Variants in CCDC12 observed in about 807,000 individuals in gnomAD.
The protein encoded by CCDC12 is coiled-coil domain-containing protein 12.
In CCDC12, 28 loss-of-function variants were observed where a neutral mutation model predicts 25.7. The ratio of observed to expected loss-of-function variants is 1.09; its 90% CI spans 0.81 to 1.50. The LOEUF is 1.50. CCDC12 is among the 40% of genes most tolerant of loss of function. The pLI is 0.00. For synonymous variants in CCDC12, 75 were observed against 87.7 expected (o/e 0.86, Z 0.81); for missense variants, 198 against 210.0 (o/e 0.94, Z 0.35).
chr3:46,942,254 C>T (rs1182313373), intron 1 of CCDC12, among the ~76,000 whole-genome samples: 1 of 152,256 alleles, frequency 6.6e-6, no homozygotes, highest in Non-Finnish European at 1.5e-5. Context: ...CGTGTGACCA[C>T]ACCTGGGGCC....
intron 2 of CCDC12, among the ~76,000 whole-genome samples, chr3:46,933,893 A>G (rs1011525241): frequency 1.3e-5 from 2 of 151,668 alleles, no homozygotes; most frequent in African/African-American, 4.8e-5. Context: ...CTACAATAAA[A>G]AAATCTATAA....
chr3:46,932,431 A>G (rs1367588639), intron 2 of CCDC12, among the ~76,000 whole-genome samples: 2 of 152,230 alleles, frequency 1.3e-5, no homozygotes, highest in African/African-American at 2.4e-5. Flanking sequence ...ACTTTTAAAG[A>G]GCCCAGTGGC....
At chr3:46,976,892 T>A, upstream of CCDC12, 1 of 1,257,452 alleles carries the variant, frequency 8.0e-7, no homozygotes, top group Non-Finnish European at 1.1e-6. Context: ...CTCCCCGCCT[T>A]GCCCCGCCCC....
intron 2 of CCDC12, among the ~76,000 whole-genome samples, chr3:46,929,982 G>C (rs2033139560): frequency 7.8e-6 from 1 of 128,592 alleles, no homozygotes; most frequent in Admixed American, 9.4e-5. Context: ...AGTGAGCCGA[G>C]ATGGTGCCAC....
rs540631791 is a variant in CCDC12 at position 46,968,425 on chromosome 3, A to G, written c.96+8212T>C. ...CCACCTGGATGTCCCCACTTACAAG[A>G]GGGTAAAGAAGAAAGGACAGGCATC... is the stretch of plus-strand genomic sequence containing the variant. On this transcript the variant is annotated intron_variant, in intron 1 of 6. Transcript: ENST00000683445. 3.4e-4 allele frequency among the ~76,000 whole-genome samples: 52 copies of G among 152,262 alleles called. No homozygotes were observed. The South Asian group carries it at 0.01, about 30-fold the overall frequency.
intron 1 of CCDC12, among the ~76,000 whole-genome samples, chr3:46,946,292 A>G (rs2033903647): frequency 6.6e-6 from 1 of 152,264 alleles, no homozygotes; most frequent in African/African-American, 2.4e-5. Flanking sequence ...AAAGGATCAG[A>G]CTTAGAAAAT....
intron 1 of CCDC12, among the ~76,000 whole-genome samples, chr3:46,961,886 TCAAATAG>T (rs1443845294): frequency 6.6e-6 from 1 of 152,044 alleles, no homozygotes; most frequent in East Asian, 1.9e-4. Flanking sequence ...ATGTCAAATA[TCAAATAG>T]TGCCAAGTCA....
chr3:46,976,816 A>T, upstream of CCDC12: 4 of 1,539,776 alleles, frequency 2.6e-6, no homozygotes, highest in South Asian at 4.8e-5. Context: ...CGGCCAATCC[A>T]AGGACGAGAA....
chr3:46,975,518 AATCTT>A (rs1470472317), intron 1 of CCDC12, among the ~76,000 whole-genome samples: 3 of 144,068 alleles, frequency 2.1e-5, no homozygotes, highest in Non-Finnish European at 4.5e-5. Context: ...GTTAGAAATA[AATCTT>A]TTCTTTTTTT....
At chr3:46,979,728 T>G (rs2077402538), upstream of CCDC12, 1 of 309,944 alleles carries the variant, frequency 3.2e-6, no homozygotes, top group Non-Finnish European at 5.9e-6. Context: ...AGCCGCAGAC[T>G]TCCCCAGTAG....
At chr3:46,945,014 A>G (rs1287054012) in intron 1 of CCDC12, among the ~76,000 whole-genome samples, 2 of 152,204 alleles carry the variant, frequency 1.3e-5, no homozygotes, top group Non-Finnish European at 2.9e-5. Context: ...GGCCAGGCCA[A>G]AGGCCACCTC....
At chr3:46,936,437 C>A (rs2033444579) in intron 2 of CCDC12, among the ~76,000 whole-genome samples, 1 of 152,230 alleles carries the variant, frequency 6.6e-6, no homozygotes, top group Non-Finnish European at 1.5e-5. Context: ...CTGCCCAGAG[C>A]CCCAGCACTA....
chr3:46,966,113 A>T (rs1317313072), intron 1 of CCDC12: 1 of 152,346 alleles, frequency 6.6e-6, no homozygotes, highest in Non-Finnish European at 1.5e-5. Flanking sequence ...TAGGAGCTGC[A>T]GTGCAGCCCT....
chr3:46,980,807 A>T (rs1477044748), upstream of CCDC12, among the ~76,000 whole-genome samples: 1 of 152,118 alleles, frequency 6.6e-6, no homozygotes, highest in Non-Finnish European at 1.5e-5. Context: ...GAGGGATCCC[A>T]GGGTAACACT....
At chr3:46,949,456 G>C (rs1236587134) in intron 1 of CCDC12, among the ~76,000 whole-genome samples, 5 of 152,202 alleles carry the variant, frequency 3.3e-5, no homozygotes, top group Non-Finnish European at 7.3e-5. Flanking sequence ...CAGACTGGAC[G>C]AGTTCCTCTG....
intron 1 of CCDC12, among the ~76,000 whole-genome samples, chr3:46,975,714 G>A (rs1229935523): frequency 4.0e-5 from 6 of 150,550 alleles, no homozygotes; most frequent in African/African-American, 1.5e-4. Flanking sequence ...TGTATTTTTA[G>A]TAGAGACAGA....
intron 1 of CCDC12, among the ~76,000 whole-genome samples, chr3:46,968,877 A>G (rs1222613582): frequency 6.6e-6 from 1 of 152,224 alleles, no homozygotes; most frequent in African/African-American, 2.4e-5. Flanking sequence ...TTCCTGGTCT[A>G]TCAGACAGGG....
chr3:46,964,864 T>C (rs1435062481), intron 1 of CCDC12, among the ~76,000 whole-genome samples: 3 of 152,252 alleles, frequency 2.0e-5, no homozygotes, highest in African/African-American at 7.2e-5. Flanking sequence ...CTTTGTTCAC[T>C]TGTTTATCTG....
At chr3:46,969,512 C>T (rs1464969328) in intron 1 of CCDC12, among the ~76,000 whole-genome samples, 1 of 152,110 alleles carries the variant, frequency 6.6e-6, no homozygotes, top group Non-Finnish European at 1.5e-5. Flanking sequence ...GGATTACAGG[C>T]GTGAGACACC....
Sources: allele counts gnomAD v4.1 joint callset (sites outside exome capture counted in the v4.1 genomes callset), GRCh38; gene constraint gnomAD v4.1.1; transcripts MANE v1.5; gene names NCBI Gene and HGNC (gene_info 2026-07-23, HGNC 2026-07-21).